Variants in LUZP2 observed in about 807,000 individuals in gnomAD.
The protein encoded by LUZP2 is leucine zipper protein 2.
Under a neutral mutation model 51.6 loss-of-function variants are expected in LUZP2, and 52 were observed. The observed-to-expected ratio is 1.01, with a 90% confidence interval of 0.81 to 1.27. LUZP2 has a LOEUF of 1.27. LUZP2 is among the 50% of genes most tolerant of loss of function. The pLI, the probability that LUZP2 is intolerant of heterozygous loss-of-function variation, is 0.00. For synonymous variants in LUZP2, 154 were observed against 137.3 expected, an observed-to-expected ratio of 1.12 and a Z score of -0.85; for missense variants, 436 against 395.4, an observed-to-expected ratio of 1.10 and a Z score of -0.87.
chr11:24,940,949 G>GTTTTTTT (rs1234475722), intron 7 of LUZP2, among the ~76,000 whole-genome samples: 1 of 152,090 alleles, frequency 6.6e-6, no homozygotes, highest in Non-Finnish European at 1.5e-5. Context: ...CTTTTGTTTT[G>GTTTTTTT]TTTTGTTTTG....
chr11:24,956,184 C>T (rs1855203509), intron 7 of LUZP2, among the ~76,000 whole-genome samples: 2 of 151,874 alleles, frequency 1.3e-5, no homozygotes, highest in African/African-American at 4.8e-5. Context: ...GAGCAGTCCA[C>T]ATTCTAATTC....
chr11:24,744,402 G>A (rs1269418328), intron 4 of LUZP2, among the ~76,000 whole-genome samples: 3 of 152,032 alleles, frequency 2.0e-5, no homozygotes, highest in African/African-American at 7.2e-5. Flanking sequence ...TTATTGGTCT[G>A]TTTGTGGTTT....
chr11:24,593,762 G>C (rs1406106853), intron 1 of LUZP2, among the ~76,000 whole-genome samples: 2 of 152,262 alleles, frequency 1.3e-5, no homozygotes, highest in African/African-American at 4.8e-5. Flanking sequence ...ATTTAGATAT[G>C]ACATGACATC....
chr11:24,791,954 A>G (rs1288269000), intron 5 of LUZP2, among the ~76,000 whole-genome samples: 1 of 60,510 alleles, frequency 1.7e-5, no homozygotes, highest in Non-Finnish European at 4.2e-5. Flanking sequence ...TCTTAGTGAG[A>G]GTCTTTTTTT....
chr11:24,721,042 A>T (rs1031579828), intron 1 of LUZP2, among the ~76,000 whole-genome samples: 3 of 152,204 alleles, frequency 2.0e-5, no homozygotes, highest in Non-Finnish European at 2.9e-5. Flanking sequence ...TTACTTTTTC[A>T]CATGGCCAAT....
chr11:24,652,666 T>C (rs1490871033), intron 1 of LUZP2, among the ~76,000 whole-genome samples: 3 of 152,258 alleles, frequency 2.0e-5, no homozygotes, highest in South Asian at 2.1e-4. Context: ...AAGAGATTTA[T>C]AATAATCTCA....
chr11:24,604,868 A>C (rs1311192047), intron 1 of LUZP2, among the ~76,000 whole-genome samples: 1 of 151,866 alleles, frequency 6.6e-6, no homozygotes, highest in African/African-American at 2.4e-5. Context: ...AGCAGCACCC[A>C]GTTGGTGTGC....
At chr11:24,666,112 C>A (rs1316255098) in intron 1 of LUZP2, among the ~76,000 whole-genome samples, 2 of 152,008 alleles carry the variant, frequency 1.3e-5, no homozygotes, top group Non-Finnish European at 2.9e-5. Context: ...TATGAAGTCT[C>A]CACACTTCAC....
At chr11:24,603,345 G>A (rs1179809889) in intron 1 of LUZP2, among the ~76,000 whole-genome samples, 2 of 151,794 alleles carry the variant, frequency 1.3e-5, no homozygotes, top group East Asian at 3.9e-4. Flanking sequence ...AAGAGAAGAC[G>A]ATTTTCTAGG....
chr11:24,709,531 T>C (rs1353965229), intron 1 of LUZP2, among the ~76,000 whole-genome samples: 2 of 152,124 alleles, frequency 1.3e-5, no homozygotes, highest in African/African-American at 4.8e-5. Context: ...TGTATTTACA[T>C]TTTGTAGTTA....
intron 1 of LUZP2, among the ~76,000 whole-genome samples, chr11:24,515,624 C>T (rs913811717): frequency 9.2e-5 from 14 of 152,072 alleles, no homozygotes; most frequent in African/African-American, 3.4e-4. Context: ...CTATGGGTTT[C>T]AAAACGTAGA....
At chr11:24,879,403 G>C (rs567826500) in intron 5 of LUZP2, among the ~76,000 whole-genome samples, 56 of 152,238 alleles carry the variant, frequency 3.7e-4, no homozygotes, top group African/African-American at 1.2e-3. Flanking sequence ...CTTTAGAGTA[G>C]AATGATTTAT....
chr11:24,713,854 A>ATT lies in LUZP2; in HGVS notation c.63-15294_63-15293dup, dbSNP rs11357002. Reference sequence around the variant, plus strand: ...TAGGCGTGCAGCACCATGCCTGGCCATTTTTTTTTTTTTTTTTTTTTTGTA... The same window carrying ATT: ...TAGGCGTGCAGCACCATGCCTGGCCATTTTTTTTTTTTTTTTTTTTTTTTGTA... On this transcript the variant is annotated intron_variant, in intron 1 of 11. Coordinates refer to ENST00000336930, the MANE Select transcript of LUZP2 (RefSeq NM_001009909.4). Among the ~76,000 whole-genome samples the ATT allele has an allele frequency of 6.0e-3, 342 of 57,468 alleles. 8 individuals carry two copies. The highest frequency in any genetic ancestry group is 0.023 in the African/African-American group (331 of 14,708). 37.7% of individuals were successfully genotyped at this position (57,468 alleles called of 152,430 possible). A position where few individuals can be genotyped will look rare whatever the true frequency, so the allele number is the denominator to read the frequency against.
intron 1 of LUZP2, among the ~76,000 whole-genome samples, chr11:24,642,070 A>G (rs1409144756): frequency 6.6e-6 from 1 of 151,814 alleles, no homozygotes; most frequent in East Asian, 1.9e-4. Flanking sequence ...TTGTATTTTT[A>G]GTAGAGACGA....
chr11:24,586,920 T>A (rs909764295), intron 1 of LUZP2, among the ~76,000 whole-genome samples: 1 of 152,148 alleles, frequency 6.6e-6, no homozygotes, highest in Non-Finnish European at 1.5e-5. Flanking sequence ...GCAAATTATA[T>A]GTTAGGTTTG....
At chr11:24,549,740 C>A (rs1200975170) in intron 1 of LUZP2, among the ~76,000 whole-genome samples, 1 of 152,000 alleles carries the variant, frequency 6.6e-6, no homozygotes, top group Non-Finnish European at 1.5e-5. Context: ...CTTTTATTGG[C>A]TAAAATGTCA....
chr11:24,571,440 C>A (rs1269932338), intron 1 of LUZP2, among the ~76,000 whole-genome samples: 2 of 152,008 alleles, frequency 1.3e-5, no homozygotes, highest in Non-Finnish European at 2.9e-5. Flanking sequence ...TTTTCCCTGC[C>A]TAAATCTTGT....
intron 9 of LUZP2, among the ~76,000 whole-genome samples, chr11:24,984,376 G>A (rs1856125873): frequency 6.6e-6 from 1 of 150,848 alleles, no homozygotes; most frequent in Non-Finnish European, 1.5e-5. Flanking sequence ...CTGTTTTTAT[G>A]TGTAACTAGT....
At chr11:24,517,496 A>C (rs977773542) in intron 1 of LUZP2, among the ~76,000 whole-genome samples, 2 of 150,022 alleles carry the variant, frequency 1.3e-5, no homozygotes, top group East Asian at 3.9e-4. Flanking sequence ...AAAAAAAAAA[A>C]AAAAAAAAAA....
Sources: gnomAD v4.1 joint callset for allele counts (sites outside exome capture counted in the v4.1 genomes callset) on GRCh38, gnomAD v4.1.1 for gene constraint, MANE v1.5 for transcripts, NCBI Gene and HGNC (gene_info 2026-07-23, HGNC 2026-07-21) for gene names.